The following CADM3 variants were observed in gnomAD, a reference collection of about 807,000 sequenced individuals.
The protein encoded by CADM3 is TSLC1-like 1.
CADM3 carries 11 observed loss-of-function variants against 44.9 expected under a neutral mutation model. The ratio of observed to expected loss-of-function variants is 0.25; its 90% CI spans 0.15 to 0.41. CADM3 has a LOEUF of 0.41. CADM3 is among the 10% of genes least tolerant of loss of function. The pLI, the probability that CADM3 is intolerant of heterozygous loss-of-function variation, is 1.00. For synonymous variants in CADM3, 207 were observed against 205.2 expected (o/e 1.01, Z -0.08); for missense variants, 426 against 512.0 (o/e 0.83, Z 1.62).
At chr1:159,176,263 T>C (rs1649012123) in intron 1 of CADM3, among the ~76,000 whole-genome samples, 1 of 152,216 alleles carries the variant, frequency 6.6e-6, no homozygotes, top group African/African-American at 2.4e-5. Context: ...AATTATATTT[T>C]CTTTTATTTT....
chr1:159,193,370 G>A, intron 3 of CADM3, 53 bp from the exon 4 acceptor site: 1 of 1,537,172 alleles, frequency 6.5e-7, no homozygotes, highest in Non-Finnish European at 8.8e-7. Flanking sequence ...GAGCAGAAGT[G>A]TGACCCCATG....
chr1:159,186,982 A>T (rs1335800583), intron 1 of CADM3, among the ~76,000 whole-genome samples: 2 of 152,228 alleles, frequency 1.3e-5, no homozygotes, highest in Admixed American at 1.3e-4. Context: ...TTTGGTTTGA[A>T]TGATCTACAT....
intron 7 of CADM3, 53 bp downstream of exon 7, chr1:159,197,113 A>T (rs1649937429): frequency 1.3e-6 from 2 of 1,567,842 alleles, no homozygotes; most frequent in African/African-American, 1.4e-5. Context: ...TGTCCATCTT[A>T]TTCCCTTTTT....
chr1:159,186,677 T>C (rs1384215546), intron 1 of CADM3, among the ~76,000 whole-genome samples: 1 of 152,154 alleles, frequency 6.6e-6, no homozygotes, highest in African/African-American at 2.4e-5. Context: ...GGAGTGGCCA[T>C]TCGGAATTTA....
chr1:159,188,597 C>T (rs191493854), intron 1 of CADM3, among the ~76,000 whole-genome samples: 207 of 152,296 alleles, frequency 1.4e-3, no homozygotes, highest in Non-Finnish European at 2.3e-3. Context: ...GCTCTGGGCT[C>T]TGCTCAGCAG....
In CADM3 at chr1:159,196,969, T is replaced by G; in HGVS notation, c.861T>G (p.Pro287=). Residue 287 remains proline, a synonymous_variant, in exon 7 of 9, where the codon CCT becomes CCG. Coordinates refer to ENST00000368125, the MANE Select transcript of CADM3 (RefSeq NM_001127173.3). Reference sequence around the variant, plus strand: ...CCCAGGAGAGTGCCCTGATCTTCCCTTTCCTCAACAAGAGTGACAGTGGCA... The same window carrying G: ...CCCAGGAGAGTGCCCTGATCTTCCCGTTCCTCAACAAGAGTGACAGTGGCA... ...KMTQESALIF[P]FLNKSDSGTY... The G allele has an allele frequency of 6.2e-7, 1 of 1,614,110 alleles. No homozygotes were observed. Among genetic ancestry groups the G allele is most frequent in the South Asian group, 1.1e-5 (1 of 91,070 alleles).
intron 5 of CADM3, 54 bp downstream of exon 5, chr1:159,194,094 GAGAA>G: frequency 6.5e-7 from 1 of 1,546,800 alleles, no homozygotes; most frequent in Non-Finnish European, 8.8e-7. Context: ...GAGGACCAGG[GAGAA>G]AGAGAATGCA....
At position 159,201,076 on chromosome 1, in the gene CADM3, C is replaced by T. The variant is rs1330938864; in HGVS notation, c.*154C>T. The T allele has an allele frequency of 1.4e-5, 2 of 143,808 alleles. No individual in the cohort carries two copies. Among genetic ancestry groups the T allele is most frequent in the East Asian group, 2.6e-4 (1 of 3,824 alleles). 8.9% of individuals were successfully genotyped at this position (143,808 alleles called of 1,614,324 possible). Reference sequence around the variant, plus strand: ...CTGTACAGAATGTCTGCTTTGGGTGCGGTTTTGTACTCGGTTTGGAATGGG... The same window carrying T: ...CTGTACAGAATGTCTGCTTTGGGTGTGGTTTTGTACTCGGTTTGGAATGGG... On this transcript the variant is annotated 3_prime_UTR_variant, in exon 9 of 9. Coordinates refer to ENST00000368125, the MANE Select transcript of CADM3 (RefSeq NM_001127173.3).
At chr1:159,177,084 C>A (rs750158494) in intron 1 of CADM3, among the ~76,000 whole-genome samples, 2 of 152,128 alleles carry the variant, frequency 1.3e-5, no homozygotes, top group African/African-American at 2.4e-5. Flanking sequence ...TCTGAGGGGG[C>A]ACAGGCTCTC....
intron 2 of CADM3, 38 bp from the exon 3 acceptor site, chr1:159,192,540 A>T (rs776693432): frequency 6.2e-7 from 1 of 1,613,850 alleles, no homozygotes; most frequent in Non-Finnish European, 8.5e-7. Context: ...GAAAGGTGCC[A>T]GTAAAATCCT....
At chr1:159,195,022 C>T (rs907169051) in intron 5 of CADM3, 1 of 152,166 alleles carries the variant, frequency 6.6e-6, no homozygotes, top group Non-Finnish European at 1.5e-5. Context: ...TAACCAAAGC[C>T]CTTCATCCTC....
chr1:159,183,016 C>T lies in CADM3; in HGVS notation c.89-8920C>T, dbSNP rs139127283. Reference sequence around the variant, plus strand: ...TCTCAAAGATTCCCTCCTCATTCAGCCTGGAAAAGCCTAGCCACACACCAT... The same window carrying T: ...TCTCAAAGATTCCCTCCTCATTCAGTCTGGAAAAGCCTAGCCACACACCAT... On this transcript the variant is annotated intron_variant, in intron 1 of 8. Coordinates refer to ENST00000368125, the MANE Select transcript of CADM3 (RefSeq NM_001127173.3). 3.2e-4 allele frequency among the ~76,000 whole-genome samples: 49 copies of T among 152,278 alleles called. 1 individual carries two copies. Among genetic ancestry groups the T allele is most frequent in the African/African-American group, 1.1e-3 (47 of 41,558 alleles).
chr1:159,174,356 G>A (rs1400145496), intron 1 of CADM3, among the ~76,000 whole-genome samples: 1 of 152,192 alleles, frequency 6.6e-6, no homozygotes, highest in African/African-American at 2.4e-5. Flanking sequence ...TCATGGACAT[G>A]TGTTTCGTAC....
intron 1 of CADM3, among the ~76,000 whole-genome samples, chr1:159,173,305 C>G (rs548104127): frequency 2.6e-5 from 4 of 152,052 alleles, no homozygotes; most frequent in Non-Finnish European, 5.9e-5. Flanking sequence ...AGGCGAAGAG[C>G]CAGGGTGCTG....
At chr1:159,191,815 A>C (rs1649672838) in intron 1 of CADM3, 121 bp from the exon 2 acceptor site, 6 of 1,161,518 alleles carry the variant, frequency 5.2e-6, no homozygotes, top group Non-Finnish European at 7.4e-6. Context: ...TTACGGGTAC[A>C]CAGAGACCTT....
chr1:159,200,518 G>GCACACACACA (rs56164429), intron 8 of CADM3, among the ~76,000 whole-genome samples: 6 of 150,886 alleles, frequency 4.0e-5, no homozygotes, highest in Non-Finnish European at 8.9e-5. Context: ...ATGCGTGCAA[G>GCACACACACA]CACACACACA....
chr1:159,196,848 G>T (rs1191525208), intron 6 of CADM3, 43 bp from the exon 7 acceptor site: 1 of 1,580,270 alleles, frequency 6.3e-7, no homozygotes, highest in Non-Finnish European at 8.6e-7. Context: ...TAGCTCCCTG[G>T]CCTATGCTCT....
In CADM3 at chr1:159,199,791, C is replaced by T; in HGVS notation, c.993C>T (p.Ala331=). The change falls in exon 8 of 9, where the codon GCC becomes GCT. Residue 331 remains alanine, a synonymous_variant. Coordinates refer to ENST00000368125, the MANE Select transcript of CADM3 (RefSeq NM_001127173.3). The part of the protein sequence containing the change: ...PVPSSSSTYH[A]IIGGIVAFIV... The stretch of plus-strand genomic sequence containing the variant: ...CCTCCTCCTCCAGCACCTACCACGC[C>T]ATCATCGGTGGGATCGTGGCTTTCA... 1.9e-6 allele frequency: 3 copies of T among 1,614,138 alleles called. No individual in the cohort carries two copies. Among genetic ancestry groups the T allele is most frequent in the Non-Finnish European group, 2.5e-6 (3 of 1,180,022 alleles).
chr1:159,179,741 G>A (rs114805488), intron 1 of CADM3, among the ~76,000 whole-genome samples: 4 of 152,292 alleles, frequency 2.6e-5, no homozygotes, highest in Admixed American at 6.5e-5. Flanking sequence ...TCAGTCTGAA[G>A]AGCCTGGAGC....
Sources: allele counts gnomAD v4.1 joint callset (sites outside exome capture counted in the v4.1 genomes callset), GRCh38; gene constraint gnomAD v4.1.1; transcripts MANE v1.5; gene names NCBI Gene and HGNC (gene_info 2026-07-23, HGNC 2026-07-21).